COL8A1: variants seen among roughly 807,000 people sequenced by gnomAD.
COL8A1 encodes collagen alpha-1(VIII) chain.
COL8A1 carries 21 observed loss-of-function variants against 42.7 expected under a neutral mutation model. The ratio of observed to expected loss-of-function variants is 0.49; its 90% confidence interval spans 0.35 to 0.71. The LOEUF (loss-of-function observed/expected upper bound fraction) is 0.71. COL8A1 is among the 30% of genes least tolerant of loss of function. The pLI, the probability that COL8A1 is intolerant of heterozygous loss-of-function variation, is 0.01. For synonymous variants in COL8A1, 367 were observed against 369.1 expected, an observed-to-expected ratio of 0.99 and a Z score of 0.06; for missense variants, 788 against 962.4, an observed-to-expected ratio of 0.82 and a Z score of 2.40.
chr3:99,668,162 T>C (rs1938423530), intron 1 of COL8A1, among the ~76,000 whole-genome samples: 1 of 152,134 alleles, frequency 6.6e-6, no homozygotes, highest in Non-Finnish European at 1.5e-5. Context: ...AATGCTATTA[T>C]AAATAGCATT....
intron 2 of COL8A1, among the ~76,000 whole-genome samples, chr3:99,753,320 C>T (rs973100525): frequency 2.6e-5 from 4 of 152,154 alleles, no homozygotes; most frequent in African/African-American, 4.8e-5. Context: ...GAAAGGCACT[C>T]CTGATATGAT....
intron 1 of COL8A1, among the ~76,000 whole-genome samples, chr3:99,710,525 A>G (rs1227105625): frequency 1.3e-5 from 2 of 152,220 alleles, no homozygotes; most frequent in Non-Finnish European, 2.9e-5. Flanking sequence ...ATAACATTTA[A>G]TGAACCAAAG....
chr3:99,793,823 C>T (rs1314514179), intron 3 of COL8A1, among the ~76,000 whole-genome samples: 1 of 151,784 alleles, frequency 6.6e-6, no homozygotes, highest in African/African-American at 2.4e-5. Context: ...GTGATCTCAG[C>T]TCACTGCAAC....
chr3:99,719,161 G>A (rs1205600424), intron 1 of COL8A1, among the ~76,000 whole-genome samples: 1 of 151,930 alleles, frequency 6.6e-6, no homozygotes, highest in Non-Finnish European at 1.5e-5. Flanking sequence ...ATTTAAATAA[G>A]TATCTAGCAC....
At chr3:99,785,858 A>G (rs1241534351) in intron 2 of COL8A1, among the ~76,000 whole-genome samples, 5 of 152,176 alleles carry the variant, frequency 3.3e-5, no homozygotes, top group Admixed American at 1.3e-4. Context: ...ATTAATTTCT[A>G]TTGAGCCACC....
intron 1 of COL8A1, among the ~76,000 whole-genome samples, chr3:99,707,670 C>A (rs1434084124): frequency 6.6e-6 from 1 of 152,106 alleles, no homozygotes; most frequent in Non-Finnish European, 1.5e-5. Flanking sequence ...GAACTTGGGG[C>A]ACTTCCAGAG....
intron 1 of COL8A1, among the ~76,000 whole-genome samples, chr3:99,725,650 G>T (rs1940292601): frequency 7.1e-6 from 1 of 140,390 alleles, no homozygotes; most frequent in Admixed American, 7.9e-5. Context: ...CCACCTATAA[G>T]TGAGAACATG....
At chr3:99,724,249 ACTGT>A (rs1216285946) in intron 1 of COL8A1, among the ~76,000 whole-genome samples, 1 of 152,138 alleles carries the variant, frequency 6.6e-6, no homozygotes, top group African/African-American at 2.4e-5. Context: ...CAAGGTGATA[ACTGT>A]CTGTCAGGAG....
At chr3:99,641,490 C>T (rs1419230900) in intron 1 of COL8A1, among the ~76,000 whole-genome samples, 1 of 152,088 alleles carries the variant, frequency 6.6e-6, no homozygotes, top group Non-Finnish European at 1.5e-5. Context: ...AGTCATAATT[C>T]TAAAAGCTAT....
intron 1 of COL8A1, among the ~76,000 whole-genome samples, chr3:99,715,039 C>G (rs1045818006): frequency 6.6e-6 from 1 of 152,048 alleles, no homozygotes; most frequent in African/African-American, 2.4e-5. Flanking sequence ...TGTAGGAAAA[C>G]AAGCACAGTA....
intron 1 of COL8A1, among the ~76,000 whole-genome samples, chr3:99,651,169 G>T (rs1177996876): frequency 6.6e-6 from 1 of 152,080 alleles, no homozygotes; most frequent in African/African-American, 2.4e-5. Context: ...AAAATGGGAT[G>T]AGGAATGAAA....
chr3:99,732,144 T>C (rs1296001404), intron 1 of COL8A1, among the ~76,000 whole-genome samples: 1 of 152,140 alleles, frequency 6.6e-6, no homozygotes, highest in East Asian at 1.9e-4. Flanking sequence ...CAAAAACTAA[T>C]AAATAAATAA....
At chr3:99,696,274 A>G (rs1939363634) in intron 1 of COL8A1, among the ~76,000 whole-genome samples, 1 of 152,248 alleles carries the variant, frequency 6.6e-6, no homozygotes, top group South Asian at 2.1e-4. Flanking sequence ...GAAGATATCA[A>G]AAGTTTCAAC....
intron 1 of COL8A1, among the ~76,000 whole-genome samples, chr3:99,701,459 A>G (rs373117053): frequency 6.6e-6 from 1 of 152,164 alleles, no homozygotes; most frequent in South Asian, 2.1e-4. Context: ...TTGGCAGTGG[A>G]GTATTTTGTT....
At chr3:99,722,569 A>C (rs1396150132) in intron 1 of COL8A1, among the ~76,000 whole-genome samples, 1 of 152,176 alleles carries the variant, frequency 6.6e-6, no homozygotes, top group Non-Finnish European at 1.5e-5. Context: ...CATTGTGGGT[A>C]AAATTAAAAG....
intron 1 of COL8A1, among the ~76,000 whole-genome samples, chr3:99,682,707 T>A (rs560013178): frequency 6.6e-6 from 1 of 152,200 alleles, no homozygotes; most frequent in Non-Finnish European, 1.5e-5. Context: ...ACCTCAGGCA[T>A]CTCCGTTAAG....
chr3:99,752,414 C>A (rs1216126562), intron 2 of COL8A1, among the ~76,000 whole-genome samples: 5 of 151,956 alleles, frequency 3.3e-5, no homozygotes, highest in Non-Finnish European at 7.4e-5. Context: ...TTCTACTACT[C>A]CCTTCCCTTC....
chr3:99,640,524 T>C (rs80217917), intron 1 of COL8A1, among the ~76,000 whole-genome samples: 18,775 of 152,190 alleles, frequency 0.12, 1,221 homozygotes, highest in Admixed American at 0.14. Context: ...TTCCAGTTAT[T>C]CCTAAGTTTG....
intron 1 of COL8A1, among the ~76,000 whole-genome samples, chr3:99,666,344 G>C (rs903762614): frequency 6.6e-6 from 1 of 151,892 alleles, no homozygotes; most frequent in African/African-American, 2.4e-5. Flanking sequence ...AGCTCCTTGA[G>C]CTTCAAAATG....
Sources: gnomAD v4.1 joint callset for allele counts (sites outside exome capture counted in the v4.1 genomes callset) on GRCh38, gnomAD v4.1.1 for gene constraint, MANE v1.5 for transcripts, NCBI Gene and HGNC (gene_info 2026-07-23, HGNC 2026-07-21) for gene names.